The following GREM2 variants were observed in gnomAD, a reference collection of about 807,000 sequenced individuals.
The protein encoded by GREM2 is gremlin 2, DAN family BMP antagonist, also known as gremlin-2.
Under a neutral mutation model 14.2 loss-of-function variants are expected in GREM2, and 11 were observed. That is an observed-to-expected ratio of 0.78 (90% CI 0.49 to 1.28). GREM2 has a LOEUF of 1.28. Among genes scored for constraint, GREM2 ranks in the 50% most tolerant of loss-of-function variants. GREM2 has a pLI of 0.00. For synonymous variants in GREM2, 98 were observed against 97.6 expected, an observed-to-expected ratio of 1.00 and a Z score of -0.02; for missense variants, 210 against 218.5, an observed-to-expected ratio of 0.96 and a Z score of 0.24.
At chr1:240,521,426 C>T (rs1399754911) in intron 1 of GREM2, among the ~76,000 whole-genome samples, 1 of 151,400 alleles carries the variant, frequency 6.6e-6, no homozygotes, top group Non-Finnish European at 1.5e-5. Context: ...AAACAATTAG[C>T]CGGGCATGGT....
intron 1 of GREM2, among the ~76,000 whole-genome samples, chr1:240,582,225 C>T (rs1338255279): frequency 6.6e-6 from 1 of 152,114 alleles, no homozygotes. Flanking sequence ...ATCACAAGGT[C>T]AAGAGATCAA....
At chr1:240,513,299 G>A (rs1022157866) in intron 1 of GREM2, among the ~76,000 whole-genome samples, 6 of 152,134 alleles carry the variant, frequency 3.9e-5, no homozygotes, top group African/African-American at 1.2e-4. Flanking sequence ...AAAGGTGACC[G>A]GGCGCAGTGG....
chr1:240,546,437 A>G (rs1414514813), intron 1 of GREM2, among the ~76,000 whole-genome samples: 5 of 152,112 alleles, frequency 3.3e-5, no homozygotes, highest in African/African-American at 9.7e-5. Flanking sequence ...ACCCAGTGCT[A>G]CACTCACACC....
At chr1:240,494,761 C>T (rs1002311563) in intron 1 of GREM2, among the ~76,000 whole-genome samples, 5 of 152,030 alleles carry the variant, frequency 3.3e-5, no homozygotes, top group East Asian at 1.9e-4. Flanking sequence ...ATTAGCCAGG[C>T]GTGGTGGCGG....
At chr1:240,507,766 G>A (rs984164386) in intron 1 of GREM2, among the ~76,000 whole-genome samples, 2 of 142,004 alleles carry the variant, frequency 1.4e-5, no homozygotes, top group African/African-American at 2.6e-5. Context: ...GGTCACCTTG[G>A]TGGAAGAATT....
chr1:240,519,376 C>T (rs1238758892), intron 1 of GREM2, among the ~76,000 whole-genome samples: 2 of 150,992 alleles, frequency 1.3e-5, no homozygotes, highest in East Asian at 3.9e-4. Context: ...TTTCTTTTTG[C>T]CACCTTTATT....
chr1:240,566,253 C>T (rs1382458343), intron 1 of GREM2, among the ~76,000 whole-genome samples: 2 of 152,152 alleles, frequency 1.3e-5, no homozygotes, highest in East Asian at 3.9e-4. Context: ...TTAATTTATG[C>T]TCTTGCCTGA....
chr1:240,533,360 G>C (rs927716593), intron 1 of GREM2, among the ~76,000 whole-genome samples: 1 of 152,176 alleles, frequency 6.6e-6, no homozygotes, highest in Non-Finnish European at 1.5e-5. Flanking sequence ...TCTGAGAATT[G>C]AAAGTAGGTC....
rs1277309277 is a variant in GREM2 at position 240,509,969 on chromosome 1, C to A, written c.-1-16493G>T. ...CTGTCATGTGGAAGCTACGGTTAAGCCTTCCTGGGCTACTGTAGAGCAAAG... is the reference window on the plus strand; with the variant it reads ...CTGTCATGTGGAAGCTACGGTTAAGACTTCCTGGGCTACTGTAGAGCAAAG... On this transcript the variant is annotated intron_variant, in intron 1 of 1. Coordinates refer to ENST00000318160, the MANE Select transcript of GREM2 (RefSeq NM_022469.4). Among the ~76,000 whole-genome samples, 7 of 152,284 alleles carry A rather than the reference C, an allele frequency of 4.6e-5. No homozygotes were observed. In the East Asian group the frequency reaches 1.2e-3, roughly 25 times the overall value.
intron 1 of GREM2, among the ~76,000 whole-genome samples, chr1:240,537,497 C>A (rs1014727916): frequency 6.6e-6 from 1 of 152,006 alleles, no homozygotes; most frequent in Non-Finnish European, 1.5e-5. Flanking sequence ...AAAGAAACAA[C>A]AAAAGGAGTT....
At chr1:240,546,660 T>C (rs1255820557) in intron 1 of GREM2, among the ~76,000 whole-genome samples, 2 of 152,224 alleles carry the variant, frequency 1.3e-5, no homozygotes, top group Non-Finnish European at 2.9e-5. Context: ...ATCTGTATTT[T>C]AAAGATGTAC....
intron 1 of GREM2, among the ~76,000 whole-genome samples, chr1:240,544,046 C>G (rs757093194): frequency 9.2e-5 from 14 of 152,006 alleles, no homozygotes; most frequent in Admixed American, 2.6e-4. Context: ...CTTGAATCCA[C>G]ACGAATGAAG....
In GREM2 at chr1:240,536,334, GA is replaced by G. The variant is rs569550466; in HGVS notation, c.-1-42859del. Among the ~76,000 whole-genome samples, 126 of 152,296 alleles carry G rather than the reference GA, an allele frequency of 8.3e-4. 1 individual carries two copies. Among genetic ancestry groups the G allele is most frequent in the African/African-American group, 2.8e-3 (115 of 41,576 alleles). ...GAAGTAAGGTCTGATAATTAAATGG[GA>G]AGAAAGGGTCATGCAGCCAAGCACA... On this transcript the variant is annotated intron_variant, in intron 1 of 1. Coordinates refer to ENST00000318160, the MANE Select transcript of GREM2 (RefSeq NM_022469.4).
rs899024905 is a variant in GREM2, at chr1:240,543,791, A to G, written c.-1-50315T>C. Among the ~76,000 whole-genome samples the G allele has an allele frequency of 6.6e-6, 1 of 152,226 alleles. No individual in the cohort carries two copies. The highest frequency in any genetic ancestry group is 2.4e-5 in the African/African-American group (1 of 41,466). Reference sequence around the variant, plus strand: ...ATTATATTTCAAAAGGGATTGATATACAGGCCTAACGCTATTTTTGACACT... The same window carrying G: ...ATTATATTTCAAAAGGGATTGATATGCAGGCCTAACGCTATTTTTGACACT... On this transcript the variant is annotated intron_variant, in intron 1 of 1. Transcript: ENST00000318160. This position sits in a 1 kb window ranked among gnomAD's most constrained non-coding sequence, Gnocchi z 6.4.
At chr1:240,516,994 C>T (rs55977164) in intron 1 of GREM2, among the ~76,000 whole-genome samples, 59,572 of 151,688 alleles carry the variant, frequency 0.39, 12,007 homozygotes, top group East Asian at 0.72. Context: ...GTCTTCAAAT[C>T]GCTTTGTGCC....
At chr1:240,536,985 AAAG>A (rs1678486699) in intron 1 of GREM2, among the ~76,000 whole-genome samples, 1 of 152,228 alleles carries the variant, frequency 6.6e-6, no homozygotes, top group South Asian at 2.1e-4. Context: ...CTGACATACT[AAAG>A]AAGATAAACT....
chr1:240,590,367 C>T (rs1459745220), intron 1 of GREM2, among the ~76,000 whole-genome samples: 1 of 151,882 alleles, frequency 6.6e-6, no homozygotes, highest in East Asian at 1.9e-4. Flanking sequence ...TCTAGAAGTT[C>T]CTAGAAAATA....
rs1487596422 is a variant in GREM2 at position 240,543,470 on chromosome 1, C to T, written c.-1-49994G>A. On this transcript the variant is annotated intron_variant, in intron 1 of 1. Coordinates refer to ENST00000318160, the MANE Select transcript of GREM2 (RefSeq NM_022469.4). The surrounding 1 kb of genome is among the most constrained non-coding windows in gnomAD (Gnocchi z 6.4). ...TATAAAACCATCAGATCTGGTGAGA[C>T]TTATTCACTACCATGATAACAGTAG... Among the ~76,000 whole-genome samples the T allele has an allele frequency of 6.6e-6, 1 of 152,086 alleles. No homozygotes were observed. Among genetic ancestry groups the T allele is most frequent in the Non-Finnish European group, 1.5e-5 (1 of 68,028 alleles).
At chr1:240,592,856 G>A (rs748259093) in intron 1 of GREM2, among the ~76,000 whole-genome samples, 2 of 151,958 alleles carry the variant, frequency 1.3e-5, no homozygotes, top group Non-Finnish European at 2.9e-5. Flanking sequence ...AATCTTGGCC[G>A]GGCACGGTGG....
Sources: gnomAD v4.1 joint callset for allele counts (sites outside exome capture counted in the v4.1 genomes callset) on GRCh38, gnomAD v4.1.1 for gene constraint, Gnocchi (gnomAD v3.1) non-coding constraint, MANE v1.5 for transcripts, NCBI Gene and HGNC (gene_info 2026-07-23, HGNC 2026-07-21) for gene names.